ANK3: variants seen among roughly 807,000 people sequenced by gnomAD.
The protein encoded by ANK3 is ankyrin 3, also known as ankyrin-3.
Under a neutral mutation model 370.9 loss-of-function variants are expected in ANK3, and 57 were observed. That is an observed-to-expected ratio of 0.15 (90% CI 0.12 to 0.19). The LOEUF (loss-of-function observed/expected upper bound fraction) is 0.19. Among genes scored for constraint, ANK3 ranks in the 10% least tolerant of loss-of-function variants. ANK3 has a pLI of 1.00. For synonymous variants in ANK3, 1,929 were observed against 1,946.3 expected, an observed-to-expected ratio of 0.99 and a Z score of 0.23; for missense variants, 4,439 against 5,302.1, an observed-to-expected ratio of 0.84 and a Z score of 5.06.
intron 8 of ANK3, among the ~76,000 whole-genome samples, 157 bp from the exon 9 acceptor site, chr10:60,213,667 T>C (rs2096890899): frequency 6.6e-6 from 1 of 152,186 alleles, no homozygotes; most frequent in South Asian, 2.1e-4. Context: ...TTATTTTAGG[T>C]TGAAAACTAC....
intron 36 of ANK3, among the ~76,000 whole-genome samples, chr10:60,078,012 A>G (rs1229185560): frequency 1.3e-5 from 2 of 152,300 alleles, no homozygotes; most frequent in East Asian, 3.9e-4. Flanking sequence ...AACTCAAACA[A>G]ACCAAACTGG....
intron 28 of ANK3, among the ~76,000 whole-genome samples, chr10:60,098,542 C>G (rs1280988904): frequency 6.6e-6 from 1 of 152,144 alleles, no homozygotes; most frequent in Non-Finnish European, 1.5e-5. Context: ...TAAAGTTCAG[C>G]TCCATCAAAA....
intron 23 of ANK3, among the ~76,000 whole-genome samples, chr10:60,155,212 C>T (rs2095292602): frequency 6.6e-6 from 1 of 152,282 alleles, no homozygotes; most frequent in South Asian, 2.1e-4. Context: ...TCTACACCAC[C>T]CCTCCCCCAG....
At chr10:60,329,913 G>A (rs1417739499) in intron 1 of ANK3, among the ~76,000 whole-genome samples, 1 of 152,166 alleles carries the variant, frequency 6.6e-6, no homozygotes, top group Admixed American at 6.5e-5. Context: ...AACCAAAACA[G>A]CATGGTACTG....
At chr10:60,161,460 C>T (rs1200567573) in intron 23 of ANK3, among the ~76,000 whole-genome samples, 2 of 152,122 alleles carry the variant, frequency 1.3e-5, no homozygotes, top group East Asian at 3.9e-4. Context: ...GCACTATTCA[C>T]AGTAGCCAAG....
Position 60,075,435 on chromosome 10 carries a change from T to C in ANK3, c.5446A>G (p.Thr1816Ala), listed in dbSNP as rs1350600872. The stretch of plus-strand genomic sequence containing the variant: ...ACTGGCACTGTTATAATTGATGAAG[T>C]TACAGATGAGGTAGTTGCAGATATT... Reference protein sequence around the residue: ...SSISATTSSVTSSIITVPVYS... With the variant: ...SSISATTSSVASSIITVPVYS... Residue 1816 changes from threonine (T) to alanine (A), a missense_variant, in exon 37 of 44, where the codon ACT becomes GCT. By Grantham distance (58) the Thr-to-Ala change is moderately conservative. Around this residue, in one of 13 missense-constraint regions of ANK3, gnomAD observed 679 missense variants for 791.0 expected, o/e 0.86. Transcript: ENST00000280772. The C allele has an allele frequency of 1.2e-6, 2 of 1,613,044 alleles. No homozygotes were observed. The highest frequency in any genetic ancestry group is 3.3e-5 in the Admixed American group (2 of 60,020).
intron 2 of ANK3, among the ~76,000 whole-genome samples, chr10:60,469,546 T>TATATATATATATATGGTG (rs2065142930): frequency 3.4e-4 from 1 of 2,938 alleles, no homozygotes; most frequent in Non-Finnish European, 6.3e-4. Flanking sequence ...TATATGGTGG[T>TATATATATATATATGGTG]GTATATATAT....
chr10:60,143,044 C>T lies in ANK3; in HGVS notation c.2615-3957G>A, dbSNP rs183389194. Among the ~76,000 whole-genome samples, 61 of 152,240 alleles carry T rather than the reference C, an allele frequency of 4.0e-4. 1 individual carries two copies. Among genetic ancestry groups the T allele is most frequent in the Admixed American group, 1.2e-3 (19 of 15,278 alleles). On this transcript the variant is annotated intron_variant, in intron 23 of 43. Coordinates refer to ENST00000280772, the MANE Select transcript of ANK3 (RefSeq NM_020987.5). ...GCACAAAGTAAGGGCTTAATCAGCA[C>T]GATTACTATTATTCTGTTGCACAAT...
intron 2 of ANK3, among the ~76,000 whole-genome samples, chr10:60,406,197 G>T (rs573339285): frequency 4.6e-5 from 7 of 152,264 alleles, no homozygotes; most frequent in Non-Finnish European, 8.8e-5. Flanking sequence ...ATTGAACTCT[G>T]CTTTTGTAGC....
intron 28 of ANK3, among the ~76,000 whole-genome samples, chr10:60,098,844 TCTTTG>T (rs1408666589): frequency 6.6e-6 from 1 of 152,188 alleles, no homozygotes; most frequent in Non-Finnish European, 1.5e-5. Flanking sequence ...GTAGAGATCC[TCTTTG>T]CTGTTTAGAT....
At chr10:60,440,636 T>C (rs2133006704) in intron 2 of ANK3, among the ~76,000 whole-genome samples, 1 of 152,166 alleles carries the variant, frequency 6.6e-6, no homozygotes, top group Non-Finnish European at 1.5e-5. Flanking sequence ...CCAAACCACA[T>C]CATGTAGGAA....
intron 1 of ANK3, among the ~76,000 whole-genome samples, chr10:60,704,552 T>C (rs1282328277): frequency 6.6e-6 from 1 of 151,740 alleles, no homozygotes; most frequent in Non-Finnish European, 1.5e-5. Flanking sequence ...GGAAAAGCAA[T>C]AGATAATGGG....
At chr10:60,307,413 G>A (rs1433620513) in intron 1 of ANK3, among the ~76,000 whole-genome samples, 1 of 151,990 alleles carries the variant, frequency 6.6e-6, no homozygotes, top group Non-Finnish European at 1.5e-5. Flanking sequence ...GCTCACCACA[G>A]CCTCATCCTC....
intron 1 of ANK3, among the ~76,000 whole-genome samples, chr10:60,280,788 G>A (rs903062113): frequency 6.6e-6 from 1 of 152,204 alleles, no homozygotes; most frequent in African/African-American, 2.4e-5. Context: ...GGTAAACACC[G>A]CCTTCAAAGG....
intron 23 of ANK3, among the ~76,000 whole-genome samples, chr10:60,150,489 TGA>T (rs1461084408): frequency 2.6e-5 from 4 of 152,202 alleles, no homozygotes; most frequent in Admixed American, 6.5e-5. Flanking sequence ...TCATGGCACC[TGA>T]CATGGTTTGG....
chr10:60,034,378 G>T (rs188830408), intron 43 of ANK3, among the ~76,000 whole-genome samples: 55 of 152,264 alleles, frequency 3.6e-4, no homozygotes, highest in Non-Finnish European at 6.8e-4. Flanking sequence ...AAAGTGCTGG[G>T]ATTACAGGCG....
chr10:60,227,535 G>T (rs1279433782), intron 8 of ANK3, among the ~76,000 whole-genome samples: 2 of 152,004 alleles, frequency 1.3e-5, no homozygotes, highest in East Asian at 3.8e-4. Context: ...TTGCCTGTTG[G>T]ACTACATTGT....
chr10:60,706,889 T>A (rs941701099), intron 1 of ANK3, among the ~76,000 whole-genome samples: 7 of 152,116 alleles, frequency 4.6e-5, no homozygotes, highest in Non-Finnish European at 1.0e-4. Flanking sequence ...TGTAAATGAG[T>A]TTGAACTTGA....
intron 42 of ANK3, chr10:60,043,641 T>C (rs988878044): frequency 2.6e-5 from 26 of 985,326 alleles, no homozygotes; most frequent in Admixed American, 6.2e-5. Context: ...ATGGATCCGA[T>C]GTGCAGATCT....
Sources: gnomAD v4.1 joint callset for allele counts (sites outside exome capture counted in the v4.1 genomes callset) on GRCh38, gnomAD v4.1.1 for gene constraint, gnomAD v4.1.1 regional missense constraint, MANE v1.5 for transcripts, NCBI Gene and HGNC (gene_info 2026-07-23, HGNC 2026-07-21) for gene names.